ABAT: variants seen among roughly 807,000 people sequenced by gnomAD.
ABAT encodes 4-aminobutyrate aminotransferase, mitochondrial.
A neutral mutation model predicts 64.6 loss-of-function variants in ABAT; 45 were observed. The ratio of observed to expected loss-of-function variants is 0.70; its 90% confidence interval spans 0.55 to 0.89. The LOEUF is 0.89. Among genes scored for constraint, ABAT ranks in the 40% least tolerant of loss-of-function variants. ABAT has a pLI of 0.00. For synonymous variants in ABAT, 297 were observed against 250.5 expected (o/e 1.19, Z -1.75); for missense variants, 633 against 658.4 (o/e 0.96, Z 0.42).
At chr16:8,779,688 G>A in intron 15 of ABAT, 98 bp downstream of exon 15, 2 of 941,660 alleles carry the variant, frequency 2.1e-6, no homozygotes, top group South Asian at 2.7e-5. Context: ...TTTTGTGTGG[G>A]GGGCAGGTGG....
intron 5 of ABAT, chr16:8,757,207 A>G (rs1362358322): frequency 2.2e-6 from 1 of 450,986 alleles, no homozygotes; most frequent in East Asian, 7.0e-5. Flanking sequence ...TCTCACTGTC[A>G]CCCAGGCTGG....
At chr16:8,721,786 C>T (rs1187142618) in intron 1 of ABAT, among the ~76,000 whole-genome samples, 1 of 152,206 alleles carries the variant, frequency 6.6e-6, no homozygotes, top group African/African-American at 2.4e-5. Flanking sequence ...GGCCTCTTAG[C>T]TCATCTCGCC....
intron 1 of ABAT, among the ~76,000 whole-genome samples, chr16:8,712,006 G>GGA (rs1555485855): frequency 6.1e-5 from 1 of 16,518 alleles, no homozygotes; most frequent in Admixed American, 1.0e-3. Flanking sequence ...TTGGGAGGTC[G>GGA]GGGGGGAGGG....
At chr16:8,775,785 T>G (rs1038884634) in intron 13 of ABAT, among the ~76,000 whole-genome samples, 1 of 152,188 alleles carries the variant, frequency 6.6e-6, no homozygotes, top group Non-Finnish European at 1.5e-5. Flanking sequence ...ATATGTCTAT[T>G]TCCAATACTT....
In ABAT at chr16:8,683,004, A is replaced by G. The variant is rs530221053; in HGVS notation, c.-42+8293A>G. On this transcript the variant is annotated intron_variant, in intron 1 of 15. Transcript: ENST00000268251. Reference sequence around the variant, plus strand: ...AGGGATAGCTTTGCTGATAAGTTACATTGACAGCATCTGTTACCATGTAAT... The same window carrying G: ...AGGGATAGCTTTGCTGATAAGTTACGTTGACAGCATCTGTTACCATGTAAT... Among the ~76,000 whole-genome samples the G allele has an allele frequency of 3.9e-5, 6 of 152,364 alleles. No individual in the cohort carries two copies. In the South Asian group the frequency reaches 1.2e-3, roughly 32 times the overall value.
intron 1 of ABAT, among the ~76,000 whole-genome samples, chr16:8,729,509 G>A (rs569208710): frequency 6.6e-6 from 1 of 152,224 alleles, no homozygotes; most frequent in African/African-American, 2.4e-5. Context: ...AGAGAAGGGA[G>A]TAATGTACCC....
intron 6 of ABAT, chr16:8,759,995 C>T (rs2059750996): frequency 6.6e-6 from 1 of 152,188 alleles, no homozygotes; most frequent in Admixed American, 6.5e-5. Context: ...TAGAGCGTTC[C>T]CCTCTGCGGA....
In ABAT at chr16:8,707,698, A is replaced by G. The variant is rs1041753693; in HGVS notation, c.-41-28001A>G. Among the ~76,000 whole-genome samples, 5 of 152,198 alleles carry G rather than the reference A, an allele frequency of 3.3e-5. No homozygotes were observed. In the East Asian group the frequency reaches 9.6e-4, roughly 29 times the overall value. ...ACCGTGGAACCTAAAAGCTAGCTGG[A>G]CTTAACTCCAGTGCATCCTAGCCAG... is the stretch of plus-strand genomic sequence containing the variant. On this transcript the variant is annotated intron_variant, in intron 1 of 15. Transcript: ENST00000268251.
rs557874364 is a variant in ABAT at position 8,691,167 on chromosome 16, A to G, written c.-42+16456A>G. On this transcript the variant is annotated intron_variant, in intron 1 of 15. Transcript: ENST00000268251. ...TACAGCCACACCTCCTCTGTTTATTATCTACTTAGTGCTTGGTAATATACT... is the reference window on the plus strand; with the variant it reads ...TACAGCCACACCTCCTCTGTTTATTGTCTACTTAGTGCTTGGTAATATACT... Among the ~76,000 whole-genome samples, 24 of 152,182 alleles carry G rather than the reference A, an allele frequency of 1.6e-4. 2 individuals carry two copies. In the South Asian group the frequency reaches 4.8e-3, roughly 30 times the overall value.
At chr16:8,688,471 A>G (rs1220079018) in intron 1 of ABAT, among the ~76,000 whole-genome samples, 2 of 152,186 alleles carry the variant, frequency 1.3e-5, no homozygotes, top group Non-Finnish European at 1.5e-5. Flanking sequence ...TCAAGTCTGT[A>G]TAGACTTACT....
intron 6 of ABAT, among the ~76,000 whole-genome samples, chr16:8,758,545 C>G (rs149467649): frequency 6.6e-6 from 1 of 152,118 alleles, no homozygotes; most frequent in Admixed American, 6.6e-5. Context: ...GGGTTCAGAA[C>G]TCTCACACTG....
At chr16:8,688,043 C>T (rs932234837) in intron 1 of ABAT, among the ~76,000 whole-genome samples, 3 of 151,178 alleles carry the variant, frequency 2.0e-5, no homozygotes, top group Non-Finnish European at 2.9e-5. Context: ...AACTATAGGC[C>T]CGTTCCCTGC....
chr16:8,711,570 T>G (rs1358582792), intron 1 of ABAT, among the ~76,000 whole-genome samples: 3 of 152,236 alleles, frequency 2.0e-5, no homozygotes, highest in Non-Finnish European at 2.9e-5. Flanking sequence ...GAGAACGTAT[T>G]GCACTTGATA....
rs1262962111 is a variant in ABAT, at chr16:8,784,377, A to G, written c.*2947A>G. 1 of 152,598 alleles carries G rather than the reference A, an allele frequency of 6.6e-6. No individual in the cohort carries two copies. Among genetic ancestry groups the G allele is most frequent in the Non-Finnish European group, 1.5e-5 (1 of 68,038 alleles). The allele number at this position is 152,598 out of a possible 1,614,324, so 9.5% of individuals were successfully genotyped here. On this transcript the variant is annotated 3_prime_UTR_variant, in exon 16 of 16. Transcript: ENST00000268251. Reference sequence around the variant, plus strand: ...TCTATATATAAGCTCATGGTAGAAAACCATAGCTAAGTAGCATCGCAGACT... The same window carrying G: ...TCTATATATAAGCTCATGGTAGAAAGCCATAGCTAAGTAGCATCGCAGACT...
chr16:8,719,897 C>T lies in ABAT; in HGVS notation c.-41-15802C>T, dbSNP rs142602933. On this transcript the variant is annotated intron_variant, in intron 1 of 15. Transcript: ENST00000268251. ...CACGACCTCTACTCACTGCAACATT[C>T]GGTTCTCAGGTTTAAGCAATTCTCC... Among the ~76,000 whole-genome samples, 1,200 of 152,320 alleles carry T rather than the reference C, an allele frequency of 7.9e-3. 4 individuals are homozygous for T. The highest frequency in any genetic ancestry group is 1.0e-2 in the Non-Finnish European group (678 of 68,034).
chr16:8,699,272 A>G (rs956394862), intron 1 of ABAT, among the ~76,000 whole-genome samples: 2 of 152,160 alleles, frequency 1.3e-5, no homozygotes, highest in African/African-American at 2.4e-5. Flanking sequence ...GGAATGTACA[A>G]ATGGCCACTT....
At chr16:8,696,920 CCAG>C (rs2057715635) in intron 1 of ABAT, among the ~76,000 whole-genome samples, 1 of 152,102 alleles carries the variant, frequency 6.6e-6, no homozygotes, top group Non-Finnish European at 1.5e-5. Flanking sequence ...GCTCCCATCC[CCAG>C]AGGCATCCAT....
rs764683304 is a variant in ABAT, at chr16:8,772,766, C to T, written c.817-14C>T. ...CCTCTGCCATCGGTGGTCACTTTCC[C>T]CTTTGGGATCCAGGTGGAGGATCTG... On this transcript the variant is annotated splice_polypyrimidine_tract_variant and intron_variant, in intron 11 of 15. Transcript: ENST00000268251. 3 of 1,613,900 alleles carry T rather than the reference C, an allele frequency of 1.9e-6. No individual in the cohort carries two copies. Among genetic ancestry groups the T allele is most frequent in the Admixed American group, 1.7e-5 (1 of 59,972 alleles).
chr16:8,683,812 G>A (rs1567269194), intron 1 of ABAT, among the ~76,000 whole-genome samples: 4 of 152,098 alleles, frequency 2.6e-5, no homozygotes, highest in Admixed American at 6.5e-5. Context: ...GAAAAGCCAG[G>A]CCTCCCTTTT....
Sources: gnomAD v4.1 joint callset for allele counts (sites outside exome capture counted in the v4.1 genomes callset) on GRCh38, gnomAD v4.1.1 for gene constraint, MANE v1.5 for transcripts, NCBI Gene and HGNC (gene_info 2026-07-23, HGNC 2026-07-21) for gene names.